The following APBB2 variants were observed in gnomAD, a reference collection of about 807,000 sequenced individuals.
The protein encoded by APBB2 is Fe65-like 1.
In APBB2, 38 loss-of-function variants were observed where a neutral mutation model predicts 82.5. The observed-to-expected ratio is 0.46, with a 90% CI of 0.36 to 0.60. APBB2 has a LOEUF of 0.60. APBB2 is among the 20% of genes least tolerant of loss of function. The pLI, the probability that APBB2 is intolerant of heterozygous loss-of-function variation, is 0.00. For synonymous variants in APBB2, 341 were observed against 368.2 expected (o/e 0.93, Z 0.85); for missense variants, 772 against 972.3 (o/e 0.79, Z 2.74).
chr4:40,858,488 A>G (rs1762009306), intron 12 of APBB2, among the ~76,000 whole-genome samples: 3 of 149,188 alleles, frequency 2.0e-5, no homozygotes, highest in Non-Finnish European at 4.5e-5. Flanking sequence ...AGAGCAAAAT[A>G]GGCAAAGCAT....
chr4:40,979,435 G>GT (rs35883561), intron 6 of APBB2, among the ~76,000 whole-genome samples: 58,458 of 152,012 alleles, frequency 0.38, 12,295 homozygotes, highest in East Asian at 0.71. Context: ...GGGATTTTAC[G>GT]TATTTATTTA....
intron 12 of APBB2, among the ~76,000 whole-genome samples, chr4:40,840,788 TCTGTAGCC>T (rs1453877428): frequency 6.6e-6 from 1 of 152,078 alleles, no homozygotes; most frequent in Admixed American, 6.5e-5. Flanking sequence ...CAAACTAGAA[TCTGTAGCC>T]CTCTCTAGAA....
chr4:40,883,004 A>C (rs1769106477), intron 12 of APBB2, among the ~76,000 whole-genome samples: 1 of 152,092 alleles, frequency 6.6e-6, no homozygotes, highest in African/African-American at 2.4e-5. Context: ...CTTGGAGACA[A>C]GTCACTTGGT....
At chr4:40,945,182 T>C (rs1788050790) in intron 6 of APBB2, 109 bp from the exon 7 acceptor site, 4 of 760,172 alleles carry the variant, frequency 5.3e-6, no homozygotes, top group Non-Finnish European at 8.9e-6. Context: ...ATAGTCCAAA[T>C]GATTAGTTCT....
chr4:40,985,826 T>C (rs1800276776), intron 6 of APBB2, among the ~76,000 whole-genome samples: 1 of 152,078 alleles, frequency 6.6e-6, no homozygotes, highest in South Asian at 2.1e-4. Context: ...AAAAGATGAG[T>C]ATCAGTAATT....
chr4:40,988,402 G>A (rs1434443310), intron 6 of APBB2, among the ~76,000 whole-genome samples: 50 of 151,960 alleles, frequency 3.3e-4, no homozygotes, highest in Admixed American at 3.1e-3. Context: ...TTGGGAGGTG[G>A]AGGCAGGCGG....
intron 10 of APBB2, among the ~76,000 whole-genome samples, chr4:40,912,880 G>T (rs531064878): frequency 3.3e-5 from 5 of 152,240 alleles, no homozygotes; most frequent in Admixed American, 1.3e-4. Context: ...TGCGCTACTG[G>T]GAAACCATTC....
At chr4:40,942,105 C>T (rs112288774) in intron 7 of APBB2, among the ~76,000 whole-genome samples, 80 of 152,328 alleles carry the variant, frequency 5.3e-4, no homozygotes, top group African/African-American at 1.8e-3. Flanking sequence ...ATCTGCTCAA[C>T]TCTTTGCCTC....
chr4:40,874,583 A>G (rs1251526711), intron 12 of APBB2, among the ~76,000 whole-genome samples: 1 of 152,200 alleles, frequency 6.6e-6, no homozygotes, highest in Non-Finnish European at 1.5e-5. Flanking sequence ...CCCTGATACA[A>G]TGTTATCATT....
intron 2 of APBB2, among the ~76,000 whole-genome samples, chr4:41,116,859 C>T (rs577658393): frequency 4.6e-5 from 7 of 152,206 alleles, no homozygotes; most frequent in Admixed American, 3.3e-4. Context: ...TCTCTCTCGT[C>T]GTGTTGTCTT....
intron 10 of APBB2, among the ~76,000 whole-genome samples, chr4:40,907,049 C>T (rs1181701154): frequency 6.6e-6 from 1 of 152,004 alleles, no homozygotes; most frequent in East Asian, 1.9e-4. Flanking sequence ...GACATACATG[C>T]AAAGGACTCA....
At chr4:40,973,985 G>A (rs958598056) in intron 6 of APBB2, among the ~76,000 whole-genome samples, 1 of 151,920 alleles carries the variant, frequency 6.6e-6, no homozygotes, top group African/African-American at 2.4e-5. Context: ...CCGAGTAGCT[G>A]GGATTACAGG....
At chr4:40,860,290 T>C (rs149390520) in intron 12 of APBB2, among the ~76,000 whole-genome samples, 2 of 152,276 alleles carry the variant, frequency 1.3e-5, no homozygotes, top group Non-Finnish European at 2.9e-5. Context: ...GGGTGGGCGC[T>C]TGGCCCATGC....
chr4:40,928,387 AACACACACACAC>A (rs34694637), intron 10 of APBB2, among the ~76,000 whole-genome samples: 23 of 112,802 alleles, frequency 2.0e-4, no homozygotes, highest in Non-Finnish European at 3.2e-4. Flanking sequence ...TACTAAAGAA[AACACACACACAC>A]ACACACACAC....
chr4:40,833,521 G>A (rs553818786), intron 12 of APBB2, among the ~76,000 whole-genome samples: 24 of 151,918 alleles, frequency 1.6e-4, no homozygotes, highest in African/African-American at 5.1e-4. Context: ...AAATGCCCAC[G>A]GTATTTACAT....
At chr4:40,955,706 A>C (rs184140543) in intron 6 of APBB2, among the ~76,000 whole-genome samples, 96 of 152,292 alleles carry the variant, frequency 6.3e-4, no homozygotes, top group South Asian at 5.0e-3. Context: ...GGAGGCCAAC[A>C]GCTTGAGGCC....
intron 10 of APBB2, among the ~76,000 whole-genome samples, chr4:40,929,352 C>T (rs1478606622): frequency 6.6e-6 from 1 of 151,970 alleles, no homozygotes; most frequent in African/African-American, 2.4e-5. Context: ...CTCTGTCGCC[C>T]AGGCTGATGC....
intron 6 of APBB2, among the ~76,000 whole-genome samples, chr4:40,994,677 G>A (rs1364720279): frequency 6.6e-6 from 1 of 151,832 alleles, no homozygotes. Context: ...AGCCAGGCGT[G>A]GTGGCACATG....
chr4:41,058,887 AAT>A (rs1728752151), intron 4 of APBB2, among the ~76,000 whole-genome samples: 1 of 152,136 alleles, frequency 6.6e-6, no homozygotes, highest in Non-Finnish European at 1.5e-5. Flanking sequence ...CAACTAAGAA[AAT>A]ACTAAGAAAA....
Sources: gnomAD v4.1 joint callset for allele counts (sites outside exome capture counted in the v4.1 genomes callset) on GRCh38, gnomAD v4.1.1 for gene constraint, MANE v1.5 for transcripts, NCBI Gene and HGNC (gene_info 2026-07-23, HGNC 2026-07-21) for gene names.